ROBO2: variants seen among roughly 807,000 people sequenced by gnomAD.
The protein encoded by ROBO2 is roundabout guidance receptor 2, also known as roundabout homolog 2.
A neutral mutation model predicts 160.8 loss-of-function variants in ROBO2; 53 were observed. The observed-to-expected ratio is 0.33, with a 90% CI of 0.26 to 0.41. ROBO2 has a LOEUF of 0.41. ROBO2 is among the 10% of genes least tolerant of loss of function. The pLI is 1.00. For synonymous variants in ROBO2, 664 were observed against 611.7 expected, an observed-to-expected ratio of 1.09 and a Z score of -1.26; for missense variants, 1,577 against 1,722.4, an observed-to-expected ratio of 0.92 and a Z score of 1.49.
rs1169498071 is a variant in ROBO2 at position 76,772,497 on chromosome 3, C to G, written c.110-325517C>G. Among the ~76,000 whole-genome samples the G allele has an allele frequency of 2.1e-5, 3 of 143,994 alleles. No individual in the cohort carries two copies. The Admixed American group carries it at 2.1e-4, about 10-fold the overall frequency. The allele number at this position is 143,994 out of a possible 152,430, so 94.5% of individuals were successfully genotyped here. On this transcript the variant is annotated intron_variant, in intron 2 of 26. Transcript: ENST00000487694. ...ATTGCTCTTCTCTCCCCACCCCTGA[C>G]ATTATACCTTGGGTTTTTTCTTTTT...
At chr3:77,468,375 CA>C (rs1210089442) in intron 2 of ROBO2, among the ~76,000 whole-genome samples, 2 of 152,150 alleles carry the variant, frequency 1.3e-5, no homozygotes, top group African/African-American at 4.8e-5. Flanking sequence ...ACATGTGATC[CA>C]AGAGTTTATG....
chr3:75,923,569 A>G (rs1947155117), intron 1 of ROBO2, among the ~76,000 whole-genome samples: 1 of 152,232 alleles, frequency 6.6e-6, no homozygotes. Context: ...CTTACCATGG[A>G]GAAAAATAAC....
chr3:76,219,465 A>T (rs1285844736), intron 2 of ROBO2, among the ~76,000 whole-genome samples: 2 of 152,212 alleles, frequency 1.3e-5, no homozygotes, highest in Admixed American at 6.5e-5. Flanking sequence ...CAATGAACTC[A>T]AACAAATTTA....
chr3:77,098,003 A>G lies in ROBO2; in HGVS notation c.62-11A>G, dbSNP rs779969556. The G allele has an allele frequency of 8.5e-6, 13 of 1,526,776 alleles. No homozygotes were observed. The highest frequency in any genetic ancestry group is 1.1e-5 in the Non-Finnish European group (12 of 1,134,946). The allele number at this position is 1,526,776 out of a possible 1,614,324, so 94.6% of individuals were successfully genotyped here. On this transcript the variant is annotated splice_polypyrimidine_tract_variant and intron_variant, in intron 1 of 25. Coordinates refer to ENST00000461745, the Ensembl canonical transcript of ROBO2. ...TGTTAAAGCTTGTCTTTATTCCGTC[A>G]TGTTTTGTAGGATCGCGTCTTCGCC... is the stretch of plus-strand genomic sequence containing the variant.
At chr3:76,016,002 C>T (rs577957805) in intron 2 of ROBO2, among the ~76,000 whole-genome samples, 1 of 152,194 alleles carries the variant, frequency 6.6e-6, no homozygotes, top group Non-Finnish European at 1.5e-5. Flanking sequence ...GAACTTTTTG[C>T]AGTTAGTGAT....
intron 2 of ROBO2, among the ~76,000 whole-genome samples, chr3:76,187,368 A>G (rs796219210): frequency 2.0e-5 from 3 of 152,150 alleles, no homozygotes; most frequent in African/African-American, 7.2e-5. Flanking sequence ...TTGACCTCCC[A>G]GGCTCAAGGA....
intron 2 of ROBO2, among the ~76,000 whole-genome samples, chr3:76,190,767 T>G (rs1701970381): frequency 2.6e-5 from 4 of 152,116 alleles, no homozygotes; most frequent in Admixed American, 2.6e-4. Flanking sequence ...TATCCAAGAT[T>G]GTCTTATGCT....
intron 2 of ROBO2, among the ~76,000 whole-genome samples, chr3:76,079,524 C>T (rs2068749432): frequency 6.8e-6 from 1 of 147,278 alleles, no homozygotes; most frequent in African/African-American, 2.5e-5. Context: ...CGCTCTGTCG[C>T]CCAAGCTGGA....
chr3:76,632,640 C>T (rs760172714), intron 2 of ROBO2, among the ~76,000 whole-genome samples: 21 of 152,086 alleles, frequency 1.4e-4, no homozygotes, highest in Non-Finnish European at 2.8e-4. Flanking sequence ...TATCAATATG[C>T]GATCTAGATC....
intron 2 of ROBO2, among the ~76,000 whole-genome samples, chr3:76,111,302 C>T (rs2070219168): frequency 6.6e-6 from 1 of 152,016 alleles, no homozygotes; most frequent in Admixed American, 6.6e-5. Flanking sequence ...GCATTGATGG[C>T]TACCAGCAGA....
rs991225563 is a variant in ROBO2 at position 76,015,622 on chromosome 3, T to G, written c.109+78020T>G. On this transcript the variant is annotated intron_variant, in intron 2 of 26. Transcript: ENST00000487694. ...TCTGGTATGGGAAGAAGAAAGGGAT[T>G]TTTAGTTTAAAATTTAGTATGCGAC... Among the ~76,000 whole-genome samples the G allele has an allele frequency of 2.6e-5, 4 of 152,340 alleles. No individual in the cohort carries two copies. The South Asian group carries it at 6.2e-4, about 24-fold the overall frequency.
intron 2 of ROBO2, among the ~76,000 whole-genome samples, chr3:77,255,017 G>T (rs1051996823): frequency 6.6e-6 from 1 of 152,206 alleles, no homozygotes; most frequent in Non-Finnish European, 1.5e-5. Flanking sequence ...AAACTGTGCT[G>T]TTAAAAGGAA....
rs974448470 is a variant in ROBO2 at position 76,812,373 on chromosome 3, A to G, written c.110-285641A>G. Among the ~76,000 whole-genome samples the G allele has an allele frequency of 6.2e-4, 94 of 150,452 alleles. 1 individual carries two copies. Among genetic ancestry groups the G allele is most frequent in the Non-Finnish European group, 2.7e-4 (18 of 67,728 alleles). On this transcript the variant is annotated intron_variant, in intron 2 of 26. Coordinates refer to the ROBO2 transcript ENST00000487694. ...AAAAAAAAAAAAAAAACGTGTTTGAAGTAGGCCATTTCATGCCCAAAGACC... is the reference window on the plus strand; with the variant it reads ...AAAAAAAAAAAAAAAACGTGTTTGAGGTAGGCCATTTCATGCCCAAAGACC...
chr3:77,395,612 G>A (rs999509091), intron 2 of ROBO2, among the ~76,000 whole-genome samples: 2 of 152,044 alleles, frequency 1.3e-5, no homozygotes, highest in African/African-American at 4.8e-5. Flanking sequence ...AACTCAACAA[G>A]TTTTTCTAGA....
intron 2 of ROBO2, among the ~76,000 whole-genome samples, chr3:76,757,974 C>A (rs2108327866): frequency 6.6e-6 from 1 of 151,852 alleles, no homozygotes; most frequent in South Asian, 2.1e-4. Flanking sequence ...CTAGTAAGTT[C>A]TAGGAGGCCA....
At chr3:77,311,345 T>A (rs1432324503) in intron 2 of ROBO2, among the ~76,000 whole-genome samples, 1 of 152,228 alleles carries the variant, frequency 6.6e-6, no homozygotes, top group Non-Finnish European at 1.5e-5. Flanking sequence ...GTCTTATACA[T>A]GATTTGTCAG....
intron 2 of ROBO2, among the ~76,000 whole-genome samples, chr3:76,912,975 T>A (rs147246759): frequency 1.3e-5 from 2 of 152,110 alleles, no homozygotes; most frequent in East Asian, 3.9e-4. Context: ...ATAGGTCTTA[T>A]ACGTCCAAAG....
chr3:76,300,026 C>T (rs1402127185), intron 2 of ROBO2, among the ~76,000 whole-genome samples: 2 of 152,102 alleles, frequency 1.3e-5, no homozygotes, highest in African/African-American at 4.8e-5. Flanking sequence ...ACAAACTTCA[C>T]AGCTAAAAAT....
At chr3:75,983,716 A>C (rs922198176) in intron 2 of ROBO2, among the ~76,000 whole-genome samples, 3 of 151,260 alleles carry the variant, frequency 2.0e-5, no homozygotes, top group Admixed American at 6.6e-5. Context: ...TGAATTTTTG[A>C]TATCAACTCC....
Sources: allele counts gnomAD v4.1 joint callset (sites outside exome capture counted in the v4.1 genomes callset), GRCh38; gene constraint gnomAD v4.1.1; transcripts MANE v1.5; gene names NCBI Gene and HGNC (gene_info 2026-07-23, HGNC 2026-07-21).